Variants in ELP4 observed in about 807,000 individuals in gnomAD.
ELP4 encodes elongator complex protein 4.
Under a neutral mutation model 48.9 loss-of-function variants are expected in ELP4, and 51 were observed. The ratio of observed to expected loss-of-function variants is 1.04; its 90% CI spans 0.83 to 1.32. The LOEUF (loss-of-function observed/expected upper bound fraction) is 1.32, where lower values mean the gene tolerates loss of function less well. ELP4 is among the 40% of genes most tolerant of loss of function. The pLI, the probability that ELP4 is intolerant of heterozygous loss-of-function variation, is 0.00. For missense variants in ELP4, 519 were observed against 514.6 expected (o/e 1.01, Z -0.08); for synonymous variants, 210 against 189.2 (o/e 1.11, Z -0.90).
chr11:31,709,817 G>A (rs1946703733), intron 9 of ELP4, among the ~76,000 whole-genome samples: 1 of 151,964 alleles, frequency 6.6e-6, no homozygotes, highest in East Asian at 1.9e-4. Flanking sequence ...ATCTAGCTTG[G>A]GAAGTAAGAT....
intron 9 of ELP4, among the ~76,000 whole-genome samples, chr11:31,780,235 G>A (rs931964005): frequency 7.2e-5 from 11 of 152,116 alleles, no homozygotes; most frequent in Admixed American, 5.9e-4. Context: ...TACATGTCAA[G>A]TGTGTAAATG....
chr11:31,659,041 AC>A (rs1339147932), intron 9 of ELP4, among the ~76,000 whole-genome samples: 10 of 152,066 alleles, frequency 6.6e-5, no homozygotes, highest in African/African-American at 2.4e-4. Context: ...TTTTAGTAAT[AC>A]GAAGAAATTG....
At chr11:31,549,713 A>G (rs1372266450) in intron 3 of ELP4, among the ~76,000 whole-genome samples, 1 of 152,226 alleles carries the variant, frequency 6.6e-6, no homozygotes, top group East Asian at 1.9e-4. Context: ...CACTATTCAC[A>G]ATAGCAAAGA....
At chr11:31,620,818 T>C (rs562085281) in intron 5 of ELP4, among the ~76,000 whole-genome samples, 5 of 152,052 alleles carry the variant, frequency 3.3e-5, no homozygotes, top group African/African-American at 1.2e-4. Flanking sequence ...ATCCTCATAG[T>C]TCTTAGTATT....
At chr11:31,550,733 A>G (rs1295147485) in intron 3 of ELP4, among the ~76,000 whole-genome samples, 2 of 152,182 alleles carry the variant, frequency 1.3e-5, no homozygotes, top group African/African-American at 2.4e-5. Flanking sequence ...GTGGTGGAAA[A>G]TGCCTCACTG....
chr11:31,627,213 G>T lies in ELP4; in HGVS notation c.738+19G>T. 1.1e-6 allele frequency: 1 copy of T among 926,952 alleles called. No homozygotes were observed. The highest frequency in any genetic ancestry group is 3.0e-5 in the Admixed American group (1 of 33,156). The allele number at this position is 926,952 out of a possible 1,614,324, so 57.4% of individuals were successfully genotyped here. On this transcript the variant is annotated intron_variant, in intron 6 of 9. Coordinates refer to ENST00000640961, the MANE Select transcript of ELP4 (RefSeq NM_019040.5). ...TCCTCAGGTATTAAATAGCTTCAAA[G>T]TCTTTTATAATTATTTATATAATGT... is the stretch of plus-strand genomic sequence containing the variant.
chr11:31,763,418 A>C, intron 9 of ELP4: 2 of 1,607,510 alleles, frequency 1.2e-6, no homozygotes, highest in Non-Finnish European at 1.7e-6. Context: ...CAGTGGGTGC[A>C]AGACAACTAC....
At chr11:31,629,763 GA>G (rs1187361277) in intron 6 of ELP4, among the ~76,000 whole-genome samples, 4 of 90,534 alleles carry the variant, frequency 4.4e-5, no homozygotes, top group African/African-American at 9.2e-5. Context: ...GTACTATCTA[GA>G]TTTTTTTTTT....
chr11:31,745,655 T>C (rs1184264517), intron 9 of ELP4, among the ~76,000 whole-genome samples: 1 of 152,174 alleles, frequency 6.6e-6, no homozygotes, highest in Non-Finnish European at 1.5e-5. Context: ...ATTCCCTATT[T>C]AATAAATGGT....
At chr11:31,701,227 T>A (rs1758522650) in intron 9 of ELP4, among the ~76,000 whole-genome samples, 3 of 152,160 alleles carry the variant, frequency 2.0e-5, no homozygotes. Flanking sequence ...AATTTCCTTG[T>A]CTTACCAGGA....
chr11:31,596,605 T>A (rs1957675030), intron 4 of ELP4, among the ~76,000 whole-genome samples: 1 of 152,158 alleles, frequency 6.6e-6, no homozygotes, highest in African/African-American at 2.4e-5. Flanking sequence ...ATACTAAGTA[T>A]CATCTGTGTA....
intron 3 of ELP4, among the ~76,000 whole-genome samples, chr11:31,546,032 G>A (rs1956704909): frequency 6.6e-6 from 1 of 152,006 alleles, no homozygotes; most frequent in Admixed American, 6.6e-5. Context: ...GCAAAATCAT[G>A]CCAAAATGTA....
At chr11:31,514,143 G>A (rs1956062423) in intron 1 of ELP4, among the ~76,000 whole-genome samples, 1 of 152,138 alleles carries the variant, frequency 6.6e-6, no homozygotes, top group Admixed American at 6.5e-5. Context: ...ACATCTTAAA[G>A]ACATCTAGAA....
In ELP4 at chr11:31,537,730, G is replaced by A. The variant is rs79286170; in HGVS notation, c.260-1932G>A. On this transcript the variant is annotated intron_variant, in intron 2 of 9. Transcript: ENST00000640961. ...CATGATAACTCACTATCATGAGAACGGCACCAAAGGGGAAATCCACCACCA... is the reference window on the plus strand; with the variant it reads ...CATGATAACTCACTATCATGAGAACAGCACCAAAGGGGAAATCCACCACCA... 8.7e-4 allele frequency among the ~76,000 whole-genome samples: 132 copies of A among 152,074 alleles called. 4 individuals carry two copies. In the South Asian group the frequency reaches 0.025, roughly 28 times the overall value.
intron 3 of ELP4, among the ~76,000 whole-genome samples, chr11:31,581,682 T>C (rs1428240065): frequency 6.6e-6 from 1 of 152,166 alleles, no homozygotes; most frequent in Non-Finnish European, 1.5e-5. Flanking sequence ...AAATCTAAAA[T>C]ACCCTATTTC....
chr11:31,729,466 A>G (rs540713614), intron 9 of ELP4, among the ~76,000 whole-genome samples: 11 of 152,224 alleles, frequency 7.2e-5, no homozygotes, highest in Non-Finnish European at 1.5e-4. Context: ...ATAATGTGTA[A>G]TAAAAATAAT....
Position 31,608,567 on chromosome 11 carries a change from C to T in ELP4, c.653+4660C>T, listed in dbSNP as rs949659357. Among the ~76,000 whole-genome samples the T allele has an allele frequency of 8.8e-5, 11 of 124,974 alleles. No individual in the cohort carries two copies. In the South Asian group the frequency reaches 1.7e-3, roughly 19 times the overall value. The allele number at this position is 124,974 out of a possible 152,430, so 82.0% of individuals were successfully genotyped here. On this transcript the variant is annotated intron_variant, in intron 5 of 9. Coordinates refer to ENST00000640961, the MANE Select transcript of ELP4 (RefSeq NM_019040.5). ...GTGGTGTTTCACACTACTGGGTTAA[C>T]GAGAGAGGTGGGTAGCGGGTGCTGG...
At chr11:31,585,983 G>A (rs1957465828) in intron 3 of ELP4, among the ~76,000 whole-genome samples, 1 of 152,212 alleles carries the variant, frequency 6.6e-6, no homozygotes, top group African/African-American at 2.4e-5. Context: ...TACTCAGGAG[G>A]CTGAGGTGGG....
chr11:31,716,685 A>G (rs1946848092), intron 9 of ELP4, among the ~76,000 whole-genome samples: 1 of 152,222 alleles, frequency 6.6e-6, no homozygotes, highest in Non-Finnish European at 1.5e-5. Context: ...TACCAATAGG[A>G]TAAGCATTAT....
Sources: gnomAD v4.1 joint callset for allele counts (sites outside exome capture counted in the v4.1 genomes callset) on GRCh38, gnomAD v4.1.1 for gene constraint, MANE v1.5 for transcripts, NCBI Gene and HGNC (gene_info 2026-07-23, HGNC 2026-07-21) for gene names.